EYS: variants seen among roughly 807,000 people sequenced by gnomAD.
EYS encodes the protein EGF-like photoreceptor maintenance factor.
EYS carries 250 observed loss-of-function variants against 282.1 expected under a neutral mutation model. That is an observed-to-expected ratio of 0.89 (90% CI 0.80 to 0.98). The LOEUF (loss-of-function observed/expected upper bound fraction) is 0.98. EYS is among the 50% of genes least tolerant of loss of function. The pLI, the probability that EYS is intolerant of heterozygous loss-of-function variation, is 0.00. For missense variants in EYS, 4,016 were observed against 3,709.0 expected (o/e 1.08, Z -2.15); for synonymous variants, 1,355 against 1,282.9 (o/e 1.06, Z -1.20).
intron 30 of EYS, among the ~76,000 whole-genome samples, chr6:64,243,316 G>GT (rs1766898573): frequency 6.6e-6 from 1 of 152,040 alleles, no homozygotes. Context: ...CAAGAGTAAT[G>GT]TCAGCTCCCA....
chr6:64,064,742 G>T (rs890382150), intron 33 of EYS, among the ~76,000 whole-genome samples: 1 of 152,038 alleles, frequency 6.6e-6, no homozygotes, highest in African/African-American at 2.4e-5. Flanking sequence ...TTTAACCCCC[G>T]AATAGCAATT....
intron 12 of EYS, among the ~76,000 whole-genome samples, chr6:65,206,126 AAT>A (rs1766027438): frequency 6.6e-6 from 1 of 151,798 alleles, no homozygotes; most frequent in South Asian, 2.1e-4. Flanking sequence ...AAACAAAATC[AAT>A]AGACTGCTAG....
chr6:64,409,617 A>C (rs951666817), intron 28 of EYS, among the ~76,000 whole-genome samples: 8 of 152,154 alleles, frequency 5.3e-5, no homozygotes, highest in Non-Finnish European at 1.0e-4. Context: ...AACTTCACCA[A>C]TTTTATATGT....
At chr6:63,745,270 A>G (rs1373437128) in intron 41 of EYS, among the ~76,000 whole-genome samples, 1 of 152,230 alleles carries the variant, frequency 6.6e-6, no homozygotes, top group Non-Finnish European at 1.5e-5. Flanking sequence ...TGAAAGGGTG[A>G]ATTAGAAATA....
At chr6:63,773,564 G>A (rs1248429545) in intron 40 of EYS, among the ~76,000 whole-genome samples, 1 of 152,180 alleles carries the variant, frequency 6.6e-6, no homozygotes, top group Non-Finnish European at 1.5e-5. Flanking sequence ...CTTGACAACA[G>A]ATTAAAAATT....
At chr6:65,476,431 C>T (rs1168311532) in intron 5 of EYS, among the ~76,000 whole-genome samples, 1 of 152,114 alleles carries the variant, frequency 6.6e-6, no homozygotes, top group Non-Finnish European at 1.5e-5. Flanking sequence ...ATTTAATTCA[C>T]TTATCTCAGA....
At chr6:64,298,215 CTAA>C (rs1235461967) in intron 30 of EYS, among the ~76,000 whole-genome samples, 2 of 151,978 alleles carry the variant, frequency 1.3e-5, no homozygotes, top group African/African-American at 2.4e-5. Flanking sequence ...ATAATAATTT[CTAA>C]TAATTGTTTT....
chr6:64,694,165 C>T (rs1383764259), intron 22 of EYS, among the ~76,000 whole-genome samples: 1 of 151,796 alleles, frequency 6.6e-6, no homozygotes, highest in African/African-American at 2.4e-5. Flanking sequence ...GTTTTTTCCC[C>T]AAGATGGTGG....
intron 12 of EYS, among the ~76,000 whole-genome samples, chr6:65,082,585 A>G (rs1774257147): frequency 6.6e-6 from 1 of 152,110 alleles, no homozygotes; most frequent in African/African-American, 2.4e-5. Context: ...TGGGAAATTA[A>G]GTATTAAGGC....
intron 26 of EYS, among the ~76,000 whole-genome samples, chr6:64,466,149 T>C (rs1429854320): frequency 1.3e-5 from 2 of 152,034 alleles, no homozygotes; most frequent in African/African-American, 2.4e-5. Context: ...ACATTGTTGA[T>C]AAGGATATAA....
intron 12 of EYS, among the ~76,000 whole-genome samples, chr6:65,129,858 G>A (rs1775820739): frequency 1.3e-5 from 2 of 151,920 alleles, no homozygotes; most frequent in South Asian, 2.1e-4. Context: ...ACATGCACCT[G>A]TATGTTCTTT....
chr6:65,030,398 C>G (rs552384516), intron 13 of EYS, among the ~76,000 whole-genome samples: 2 of 152,168 alleles, frequency 1.3e-5, no homozygotes, highest in African/African-American at 4.8e-5. Context: ...GCACAGCATC[C>G]CCACACTGCA....
intron 2 of EYS, among the ~76,000 whole-genome samples, chr6:65,609,427 C>G (rs1175467078): frequency 6.6e-6 from 1 of 151,634 alleles, no homozygotes; most frequent in Non-Finnish European, 1.5e-5. Context: ...GAGAATGTAC[C>G]CTTGTTACTC....
chr6:64,574,786 T>C (rs943378304), intron 26 of EYS, among the ~76,000 whole-genome samples: 5 of 152,228 alleles, frequency 3.3e-5, no homozygotes, highest in Non-Finnish European at 7.3e-5. Flanking sequence ...AAATATGTAA[T>C]TTCATTTACA....
rs1007980819 is a variant in EYS at position 65,114,724 on chromosome 6, G to A, written c.2024-56997C>T. 1.1e-4 allele frequency among the ~76,000 whole-genome samples: 16 copies of A among 151,762 alleles called. 1 individual carries two copies. In the East Asian group the frequency reaches 1.9e-3, roughly 18 times the overall value. ...CTTTGATGACAGTTCTCTACACTCC[G>A]GAGTCACTTCTTCAAGTGATTTCAT... is the stretch of plus-strand genomic sequence containing the variant. On this transcript the variant is annotated intron_variant, in intron 12 of 42. Transcript: ENST00000503581.
chr6:64,827,721 G>T (rs1371560610), intron 19 of EYS, among the ~76,000 whole-genome samples: 3 of 151,768 alleles, frequency 2.0e-5, no homozygotes, highest in African/African-American at 7.3e-5. Flanking sequence ...CAAAATGAGA[G>T]TTTTGTAAAC....
chr6:65,494,378 C>A (rs923733187), intron 4 of EYS, among the ~76,000 whole-genome samples: 12 of 151,866 alleles, frequency 7.9e-5, no homozygotes, highest in Non-Finnish European at 1.8e-4. Context: ...CCCGGGTTCA[C>A]CCCATTCTCC....
chr6:64,463,180 T>A (rs138573232), intron 26 of EYS, among the ~76,000 whole-genome samples: 2,485 of 152,188 alleles, frequency 0.016, 23 homozygotes, highest in South Asian at 0.035. Flanking sequence ...CTCGATCTCC[T>A]GACCTGGTGA....
intron 30 of EYS, among the ~76,000 whole-genome samples, chr6:64,285,106 A>G (rs760024002): frequency 2.0e-5 from 3 of 152,186 alleles, no homozygotes; most frequent in Non-Finnish European, 4.4e-5. Context: ...TCCCATTGTC[A>G]TGGTGCAAAG....
Sources: gnomAD v4.1 joint callset for allele counts (sites outside exome capture counted in the v4.1 genomes callset) on GRCh38, gnomAD v4.1.1 for gene constraint, MANE v1.5 for transcripts, NCBI Gene and HGNC (gene_info 2026-07-23, HGNC 2026-07-21) for gene names.